PARVG: variants seen among roughly 807,000 people sequenced by gnomAD.
PARVG encodes parvin gamma, also known as gamma-parvin.
Under a neutral mutation model 44.4 loss-of-function variants are expected in PARVG, and 36 were observed. That is an observed-to-expected ratio of 0.81 (90% CI 0.62 to 1.07). The LOEUF is 1.07. Among genes scored for constraint, PARVG ranks in the 50% least tolerant of loss-of-function variants. The pLI, the probability that PARVG is intolerant of heterozygous loss-of-function variation, is 0.00. For missense variants in PARVG, 407 were observed against 407.4 expected, an observed-to-expected ratio of 1.00 and a Z score of 0.01; for synonymous variants, 170 against 174.1, an observed-to-expected ratio of 0.98 and a Z score of 0.19.
At chr22:44,189,401 A>T (rs1050922888) in intron 6 of PARVG, 147 bp downstream of exon 6, 37 of 1,263,002 alleles carry the variant, frequency 2.9e-5, no homozygotes, top group Non-Finnish European at 3.9e-5. Context: ...TAGAAGCCTC[A>T]GGCAGCCACA....
intron 6 of PARVG, 142 bp downstream of exon 6, chr22:44,189,396 G>A (rs2054519037): frequency 2.3e-6 from 3 of 1,285,608 alleles, no homozygotes; most frequent in South Asian, 2.9e-5. Flanking sequence ...GGAGGTAGAA[G>A]CCTCAGGCAG....
At chr22:44,192,304 G>A (rs1433447474) in intron 8 of PARVG, among the ~76,000 whole-genome samples, 200 bp downstream of exon 8, 3 of 152,196 alleles carry the variant, frequency 2.0e-5, no homozygotes, top group Admixed American at 1.3e-4. Flanking sequence ...CTCCAACCAG[G>A]TCCCTGCCTG....
chr22:44,198,183 G>A (rs144819659), intron 11 of PARVG, among the ~76,000 whole-genome samples: 1 of 152,308 alleles, frequency 6.6e-6, no homozygotes, highest in African/African-American at 2.4e-5. Context: ...CATATGATAT[G>A]CTGGTGGCAG....
At chr22:44,176,981 C>T (rs1019326577), upstream of PARVG, among the ~76,000 whole-genome samples, 2 of 152,050 alleles carry the variant, frequency 1.3e-5, no homozygotes, top group African/African-American at 2.4e-5. Flanking sequence ...TGGAAAAACC[C>T]GTCCCCATGA....
upstream of PARVG, among the ~76,000 whole-genome samples, chr22:44,177,781 A>G (rs139118): frequency 0.6 from 91,294 of 151,900 alleles, 27,726 homozygotes; most frequent in South Asian, 0.64. Context: ...CAGGAGGATC[A>G]CTTAAGCCCA....
At chr22:44,199,305 C>G (rs1281670024) in intron 12 of PARVG, among the ~76,000 whole-genome samples, 1 of 152,058 alleles carries the variant, frequency 6.6e-6, no homozygotes, top group Non-Finnish European at 1.5e-5. Context: ...ATCCACTTGC[C>G]TACCGGTCCA....
chr22:44,174,197 G>T (rs893556885), intron 1 of PARVG, among the ~76,000 whole-genome samples: 14 of 151,846 alleles, frequency 9.2e-5, no homozygotes, highest in African/African-American at 3.1e-4. Flanking sequence ...GAAAGGAGGG[G>T]TGCGGGTGGG....
At chr22:44,205,691 T>C in intron 12 of PARVG, 66 bp from the exon 13 acceptor site, 1 of 1,588,652 alleles carries the variant, frequency 6.3e-7, no homozygotes, top group East Asian at 2.3e-5. Context: ...GCTTGGCACT[T>C]GGGACCCAAG....
chr22:44,178,685 T>A (rs1007855349), upstream of PARVG, among the ~76,000 whole-genome samples: 1 of 152,250 alleles, frequency 6.6e-6, no homozygotes, highest in Non-Finnish European at 1.5e-5. Context: ...GTTTAAAAAA[T>A]GTTAGTGTCG....
At chr22:44,196,114 A>G (rs1164001882) in intron 9 of PARVG, 41 bp from the exon 10 acceptor site, 2 of 1,611,598 alleles carry the variant, frequency 1.2e-6, no homozygotes, top group Non-Finnish European at 8.5e-7. Context: ...CACAAAGATA[A>G]TAGCATCGTA....
intron 5 of PARVG, 169 bp from the exon 6 acceptor site, chr22:44,188,945 G>GTAC: frequency 1.4e-6 from 1 of 719,006 alleles, no homozygotes; most frequent in Non-Finnish European, 2.2e-6. Flanking sequence ...AAGCTGGAGG[G>GTAC]CATACCCGAT....
chr22:44,206,205 C>A, intron 13 of PARVG, 112 bp from the exon 14 acceptor site: 1 of 790,200 alleles, frequency 1.3e-6, no homozygotes, highest in Non-Finnish European at 2.1e-6. Flanking sequence ...TCCAGGGATT[C>A]TCCTGGGATT....
rs374297505 is a variant in PARVG, at chr22:44,195,941, G to A, written c.584-214G>A. Among the ~76,000 whole-genome samples, 5 of 152,168 alleles carry A rather than the reference G, an allele frequency of 3.3e-5. No homozygotes were observed. In the East Asian group the frequency reaches 9.6e-4, roughly 29 times the overall value. The stretch of plus-strand genomic sequence containing the variant: ...CCATCTCTGCAACAACCCCAGCTAG[G>A]GAGGCACAGAGAGAGACGGTGACTC... On this transcript the variant is annotated intron_variant, in intron 9 of 13. Transcript: ENST00000444313.
intron 7 of PARVG, among the ~76,000 whole-genome samples, chr22:44,191,388 A>ATTTTTTTTTTTTTTTTTT (rs35954868): frequency 1.6e-5 from 1 of 63,470 alleles, no homozygotes; most frequent in Non-Finnish European, 2.8e-5. Flanking sequence ...AGTCATTTCT[A>ATTTTTTTTTTTTTTTTTT]TTTTTTTTTT....
At chr22:44,188,946 C>T (rs2054511328) in intron 5 of PARVG, 168 bp from the exon 6 acceptor site, 4 of 765,788 alleles carry the variant, frequency 5.2e-6, no homozygotes, top group Admixed American at 2.7e-5. Flanking sequence ...AGCTGGAGGG[C>T]ATACCCGATT....
intron 3 of PARVG, chr22:44,185,584 A>T (rs1042376030): frequency 1.7e-5 from 8 of 468,032 alleles, no homozygotes; most frequent in Non-Finnish European, 2.7e-5. Flanking sequence ...AATGTCAAGT[A>T]ATCAAGAAAT....
chr22:44,199,947 GC>G (rs2054683249), intron 12 of PARVG, among the ~76,000 whole-genome samples: 1 of 152,178 alleles, frequency 6.6e-6, no homozygotes, highest in Non-Finnish European at 1.5e-5. Context: ...CTGCTTCCAG[GC>G]ATGAGGGCTG....
intron 12 of PARVG, among the ~76,000 whole-genome samples, chr22:44,200,936 C>T (rs1284248824): frequency 6.6e-6 from 1 of 152,004 alleles, no homozygotes; most frequent in Non-Finnish European, 1.5e-5. Context: ...TCAAGTGGAG[C>T]ACCCAACTGC....
In PARVG at chr22:44,205,901, G is replaced by A. The variant is rs967253916; in HGVS notation, c.886+72G>A. On this transcript the variant is annotated intron_variant, in intron 13 of 13. Transcript: ENST00000444313. ...GCCTTGTGCGAGAGCCACAGAACAG[G>A]GTGCAGGGCATTGGGGGATGAGCAC... 44 of 1,535,888 alleles carry A rather than the reference G, an allele frequency of 2.9e-5. No individual in the cohort carries two copies. The African/African-American group carries it at 5.9e-4, about 21-fold the overall frequency.
Sources: gnomAD v4.1 joint callset for allele counts (sites outside exome capture counted in the v4.1 genomes callset) on GRCh38, gnomAD v4.1.1 for gene constraint, MANE v1.5 for transcripts, NCBI Gene and HGNC (gene_info 2026-07-23, HGNC 2026-07-21) for gene names.